MYRF: variants seen among roughly 807,000 people sequenced by gnomAD.
The protein encoded by MYRF is myelin regulatory factor.
Under a neutral mutation model 126.3 loss-of-function variants are expected in MYRF, and 16 were observed. That is an observed-to-expected ratio of 0.13 (90% confidence interval 0.09 to 0.19). The LOEUF is 0.19. Among genes scored for constraint, MYRF ranks in the 10% least tolerant of loss-of-function variants. The probability of loss-of-function intolerance (pLI) is 1.00; values close to 1 mark genes in which losing one functional copy is unlikely to be tolerated. For synonymous variants in MYRF, 608 were observed against 635.3 expected, an observed-to-expected ratio of 0.96 and a Z score of 0.65; for missense variants, 1,104 against 1,547.0, an observed-to-expected ratio of 0.71 and a Z score of 4.80.
At position 61,778,899 on chromosome 11, in the gene MYRF, C is replaced by A. The variant is rs1011654700; in HGVS notation, c.2014-364C>A. ...AGGAGGCATGTAATAGGTCTCCACC[C>A]CAGCTGAATAGTGAAGTGCTGACAT... On this transcript the variant is annotated intron_variant, in intron 14 of 26. Transcript: ENST00000278836. This position sits in a 1 kb window ranked among gnomAD's most constrained non-coding sequence, Gnocchi z 4.6. 5 of 564,500 alleles carry A rather than the reference C, an allele frequency of 8.9e-6. No homozygotes were observed. The highest frequency in any genetic ancestry group is 1.9e-5 in the African/African-American group (1 of 54,014). 35.0% of individuals were successfully genotyped at this position (564,500 alleles called of 1,614,324 possible). A position where few individuals can be genotyped will look rare whatever the true frequency, so the allele number is the denominator to read the frequency against.
chr11:61,769,110 C>T (rs2066138198), intron 3 of MYRF, 150 bp from the exon 4 acceptor site: 2 of 591,014 alleles, frequency 3.4e-6, no homozygotes, highest in South Asian at 4.1e-5. Flanking sequence ...GTGGGTGGTG[C>T]GGAGAAATGC....
At position 61,770,567 on chromosome 11, in the gene MYRF, G is replaced by T. The variant is rs752924626; in HGVS notation, c.740+42G>T. On this transcript the variant is annotated intron_variant, in intron 5 of 26. Transcript: ENST00000278836. Reference sequence around the variant, plus strand: ...TGGCTCCATGGGGTGGGAAGGTGGGGTACAGGGACCAGGGTGGGCAGGGCG... The same window carrying T: ...TGGCTCCATGGGGTGGGAAGGTGGGTTACAGGGACCAGGGTGGGCAGGGCG... 2.1e-5 allele frequency: 31 copies of T among 1,464,634 alleles called. No homozygotes were observed. In the South Asian group the frequency reaches 2.4e-4, roughly 11 times the overall value. 90.7% of individuals were successfully genotyped at this position (1,464,634 alleles called of 1,614,324 possible). A position where few individuals can be genotyped will look rare whatever the true frequency, so the allele number is the denominator to read the frequency against.
At position 61,783,761 on chromosome 11, in the gene MYRF, T is replaced by G. The variant is rs2066616715; in HGVS notation, c.3120-90T>G. On this transcript the variant is annotated intron_variant, in intron 23 of 26. Coordinates refer to ENST00000278836, the MANE Select transcript of MYRF (RefSeq NM_001127392.3). This position sits in a 1 kb window ranked among gnomAD's most constrained non-coding sequence, Gnocchi z 4.6. Reference sequence around the variant, plus strand: ...TTGGACACTGTCTCTTCTGGAGGGCTCCAGTACAGATTGGGGGCTGAGGAG... The same window carrying G: ...TTGGACACTGTCTCTTCTGGAGGGCGCCAGTACAGATTGGGGGCTGAGGAG... The G allele has an allele frequency of 7.0e-7, 1 of 1,419,720 alleles. No individual in the cohort carries two copies. The highest frequency in any genetic ancestry group is 1.4e-5 in the African/African-American group (1 of 70,784). 87.9% of individuals were successfully genotyped at this position (1,419,720 alleles called of 1,614,324 possible). A position where few individuals can be genotyped will look rare whatever the true frequency, so the allele number is the denominator to read the frequency against.
Position 61,779,267 on chromosome 11 carries a change from G to A in MYRF, c.2018G>A (p.Arg673His), listed in dbSNP as rs930002184. 61 of 1,541,782 alleles carry A rather than the reference G, an allele frequency of 4.0e-5. No homozygotes were observed. The highest frequency in any genetic ancestry group is 4.9e-5 in the Non-Finnish European group (56 of 1,146,556). ...ATGGCCCATGGCCCATGGCAGGAGC[G>A]CATCTTCATGGAGAACGTAGGGGCC... ...IENFLVVNKERIFMENVGAVK... is the reference protein window; with the variant it reads ...IENFLVVNKEHIFMENVGAVK... Residue 673 changes from arginine to histidine, a missense_variant, in exon 15 of 27, where the codon CGC (arginine) becomes CAC (histidine). Arg to His is a conservative substitution (Grantham distance 29, BLOSUM62 0). Around this residue, in one of 10 missense-constraint regions of MYRF, gnomAD observed 123 missense variants for 209.1 expected, o/e 0.59. Transcript: ENST00000278836.
At chr11:61,773,640 G>C (rs1016843886) in intron 7 of MYRF, among the ~76,000 whole-genome samples, 1 of 152,158 alleles carries the variant, frequency 6.6e-6, no homozygotes, top group Non-Finnish European at 1.5e-5. Context: ...AGTGTGGGGA[G>C]GGCAGTCAAG....
chr11:61,754,655 G>T (rs539152329), intron 1 of MYRF, among the ~76,000 whole-genome samples: 5 of 152,318 alleles, frequency 3.3e-5, no homozygotes, highest in African/African-American at 1.2e-4. Flanking sequence ...GTTGGGGGGT[G>T]GGGGCTGACG....
At chr11:61,785,776 G>C in intron 25 of MYRF, 24 bp from the exon 26 acceptor site, 1 of 1,606,614 alleles carries the variant, frequency 6.2e-7, no homozygotes, top group Admixed American at 1.7e-5. Context: ...AGTCTGTCCT[G>C]ACCCCTCTCT....
In MYRF at chr11:61,777,514, CG is replaced by C; in HGVS notation, c.1791+51del. 1.5e-6 allele frequency: 2 copies of C among 1,307,914 alleles called. No individual in the cohort carries two copies. The highest frequency in any genetic ancestry group is 2.1e-6 in the Non-Finnish European group (2 of 960,918). The allele number at this position is 1,307,914 out of a possible 1,614,324, so 81.0% of individuals were successfully genotyped here. On this transcript the variant is annotated intron_variant, in intron 12 of 26. Coordinates refer to ENST00000278836, the MANE Select transcript of MYRF (RefSeq NM_001127392.3). This position sits in a 1 kb window ranked among gnomAD's most constrained non-coding sequence, Gnocchi z 8.8. ...GGCGGGTCCAGACGCTGGAGCGGGC[CG>C]CGGGGGCGGGGCTCCTGGGGAGGGG...
rs542139087 is a variant in MYRF, at chr11:61,787,993, A to G, written c.*1850A>G. The G allele has an allele frequency of 1.3e-5, 2 of 152,956 alleles. No individual in the cohort carries two copies. Among genetic ancestry groups the G allele is most frequent in the South Asian group, 4.1e-4 (2 of 4,832 alleles). The allele number at this position is 152,956 out of a possible 1,614,324, so 9.5% of individuals were successfully genotyped here. A position where few individuals can be genotyped will look rare whatever the true frequency, so the allele number is the denominator to read the frequency against. On this transcript the variant is annotated 3_prime_UTR_variant, in exon 27 of 27. Coordinates refer to ENST00000278836, the MANE Select transcript of MYRF (RefSeq NM_001127392.3). ...AGCCTGGGGAGGGGTTCCTCAGTGCAGGAGTTGGGGACAGGCTGGGGATCC... is the reference window on the plus strand; with the variant it reads ...AGCCTGGGGAGGGGTTCCTCAGTGCGGGAGTTGGGGACAGGCTGGGGATCC...
rs1028455284 is a variant in MYRF, at chr11:61,765,942, C to A, written c.135-16C>A. On this transcript the variant is annotated splice_polypyrimidine_tract_variant and intron_variant, in intron 2 of 26. Transcript: ENST00000278836. ...TGGGGTCCTGGCTGGAGCTGAGCCG[C>A]CCCCCTTCCCCGCAGCTGCTTCCCT... The A allele has an allele frequency of 6.7e-7, 1 of 1,485,954 alleles. No homozygotes were observed. Among genetic ancestry groups the A allele is most frequent in the African/African-American group, 1.4e-5 (1 of 71,818 alleles). 92.0% of individuals were successfully genotyped at this position (1,485,954 alleles called of 1,614,324 possible). A position where few individuals can be genotyped will look rare whatever the true frequency, so the allele number is the denominator to read the frequency against.
intron 3 of MYRF, 94 bp from the exon 4 acceptor site, chr11:61,769,166 G>A (rs546364555): frequency 1.4e-6 from 1 of 704,450 alleles, no homozygotes; most frequent in Non-Finnish European, 2.5e-6. Flanking sequence ...CAGCTTCTGG[G>A]GGGCTGTGGG....
Position 61,778,456 on chromosome 11 carries a change from G to C in MYRF, c.1980G>C (p.Gly660=). The change falls in exon 14 of 27, where the codon GGG becomes GGC. Residue 660 remains glycine (G), a synonymous_variant. Transcript: ENST00000278836. The surrounding 1 kb of genome is among the most constrained non-coding windows in gnomAD (Gnocchi z 4.6). ...KDTGDMVFAN[G]KTIENFLVVN... ...CCGGAGACATGGTCTTTGCCAATGG[G>C]AAAACCATAGAGAACTTCCTGGTGG... 1.2e-6 allele frequency: 2 copies of C among 1,614,036 alleles called. No individual in the cohort carries two copies. Among genetic ancestry groups the C allele is most frequent in the Non-Finnish European group, 1.7e-6 (2 of 1,179,934 alleles).
chr11:61,774,887 G>A (rs1017865344), intron 8 of MYRF, among the ~76,000 whole-genome samples: 1 of 151,946 alleles, frequency 6.6e-6, no homozygotes, highest in Non-Finnish European at 1.5e-5. Flanking sequence ...CATCTCCTGG[G>A]CCCTCTACCA....
Position 61,757,245 on chromosome 11 carries a change from A to T in MYRF, c.46+4455A>T. On this transcript the variant is annotated intron_variant, in intron 1 of 26. Coordinates refer to ENST00000278836, the MANE Select transcript of MYRF (RefSeq NM_001127392.3). This position sits in a 1 kb window ranked among gnomAD's most constrained non-coding sequence, Gnocchi z 4.7. ...CTTGGTTGGGTCTCGGGGTAGGATG[A>T]TGTAATGGTTCTGTGCATTCGCCAG... 2 of 456,428 alleles carry T rather than the reference A, an allele frequency of 4.4e-6. No individual in the cohort carries two copies. Among genetic ancestry groups the T allele is most frequent in the South Asian group, 3.1e-5 (2 of 64,504 alleles). The allele number at this position is 456,428 out of a possible 1,614,324, so 28.3% of individuals were successfully genotyped here.
In MYRF at chr11:61,776,162, C is replaced by T. The variant is rs764823467; in HGVS notation, c.1388+30C>T. ...GTGTCTGACCCTGTTGGGGGTGGTA[C>T]CTAGAAGGGTCCACAACTAAAGCTG... On this transcript the variant is annotated intron_variant, in intron 9 of 26. Coordinates refer to ENST00000278836, the MANE Select transcript of MYRF (RefSeq NM_001127392.3). This position sits in a 1 kb window ranked among gnomAD's most constrained non-coding sequence, Gnocchi z 4.3. 4 of 1,612,092 alleles carry T rather than the reference C, an allele frequency of 2.5e-6. No homozygotes were observed. The highest frequency in any genetic ancestry group is 3.4e-6 in the Non-Finnish European group (4 of 1,178,326).
chr11:61,756,894 A>C (rs198461), intron 1 of MYRF, among the ~76,000 whole-genome samples: 69,855 of 151,854 alleles, frequency 0.46, 16,660 homozygotes, highest in Middle Eastern at 0.52. Context: ...TGACTCCCCA[A>C]TTACCAACTC....
chr11:61,777,296 C>T lies in MYRF; in HGVS notation c.1623C>T (p.Ser541=). The T allele has an allele frequency of 6.2e-7, 1 of 1,613,748 alleles. No homozygotes were observed. The highest frequency in any genetic ancestry group is 1.6e-4 in the Middle Eastern group (1 of 6,062). ...ACCCAGGCCAGTTCGAGAGCGACAG[C>T]GATGTGTTGTGGCAGCGGGCACAGG... The part of the protein sequence containing the change: ...ASNPGQFESD[S]DVLWQRAQVP... The change falls in exon 12 of 27, where the codon AGC becomes AGT. Residue 541 remains serine (S), a synonymous_variant. Transcript: ENST00000278836. This position sits in a 1 kb window ranked among gnomAD's most constrained non-coding sequence, Gnocchi z 8.8.
chr11:61,764,441 C>T (rs190027838), intron 1 of MYRF, among the ~76,000 whole-genome samples: 9 of 152,208 alleles, frequency 5.9e-5, no homozygotes, highest in African/African-American at 1.9e-4. Context: ...GAGACTGAGG[C>T]GCAGAGAGTG....
chr11:61,771,451 G>A (rs1279023471), intron 5 of MYRF, 49 bp from the exon 6 acceptor site: 2 of 1,578,668 alleles, frequency 1.3e-6, no homozygotes, highest in African/African-American at 1.3e-5. Context: ...CCCAGTGGGA[G>A]GGGCTCGGGG....
Sources: allele counts gnomAD v4.1 joint callset (sites outside exome capture counted in the v4.1 genomes callset), GRCh38; gene constraint gnomAD v4.1.1; regional missense constraint gnomAD v4.1.1; non-coding constraint Gnocchi (gnomAD v3.1); transcripts MANE v1.5; gene names NCBI Gene and HGNC (gene_info 2026-07-23, HGNC 2026-07-21).